The following ANKRD30A variants were observed in gnomAD, a reference collection of about 807,000 sequenced individuals.
ANKRD30A encodes the protein ankyrin repeat domain 30A.
A neutral mutation model predicts 166.3 loss-of-function variants in ANKRD30A; 170 were observed. That is an observed-to-expected ratio of 1.02 (90% CI 0.90 to 1.16). The LOEUF is 1.16. Among genes scored for constraint, ANKRD30A ranks in the 50% most tolerant of loss-of-function variants. The pLI is 0.00. For synonymous variants in ANKRD30A, 564 were observed against 508.9 expected, an observed-to-expected ratio of 1.11 and a Z score of -1.46; for missense variants, 1,630 against 1,518.0, an observed-to-expected ratio of 1.07 and a Z score of -1.23.
At chr10:37,260,107 T>C in the ANKRD30A span, among the ~76,000 whole-genome samples, 1 of 148,732 alleles carries the variant, frequency 6.7e-6, no homozygotes, top group Non-Finnish European at 1.5e-5. Flanking sequence ...CTTTTGTGTA[T>C]GTTTGAAATT....
intron 11 of ANKRD30A, among the ~76,000 whole-genome samples, chr10:37,151,725 T>G: frequency 6.6e-6 from 1 of 152,050 alleles, no homozygotes; most frequent in East Asian, 1.9e-4. Context: ...AGAGAGATGA[T>G]AGGTAATTAA....
chr10:37,167,115 T>C (rs1564519304), intron 19 of ANKRD30A, among the ~76,000 whole-genome samples: 2 of 151,828 alleles, frequency 1.3e-5, no homozygotes, highest in Non-Finnish European at 2.9e-5. Context: ...TAGATGATTT[T>C]GGATTTTCTA....
Position 37,198,381 on chromosome 10 carries a change from C to T in ANKRD30A, c.2716+901C>T, listed in dbSNP as rs556350467. Among the ~76,000 whole-genome samples the T allele has an allele frequency of 1.4e-4, 22 of 152,042 alleles. No homozygotes were observed. The South Asian group carries it at 3.9e-3, about 27-fold the overall frequency. On this transcript the variant is annotated intron_variant, in intron 29 of 35. Transcript: ENST00000361713. ...TAATATTAGGTTATTTATAAAATTC[C>T]ATTTTATGACAGTACCATAGTTAAC...
intron 32 of ANKRD30A, 127 bp from the exon 33 acceptor site, chr10:37,217,568 G>C: frequency 1.4e-6 from 1 of 700,418 alleles, no homozygotes; most frequent in Non-Finnish European, 2.1e-6. Flanking sequence ...CTGAGAACTA[G>C]GAAGAAAAAA....
chr10:37,243,830 A>AT, the ANKRD30A span, among the ~76,000 whole-genome samples: 1 of 151,916 alleles, frequency 6.6e-6, no homozygotes, highest in Non-Finnish European at 1.5e-5. Flanking sequence ...ATAAGTAGAT[A>AT]TTTTTTCTCA....
chr10:37,195,615 C>T (rs1243557161), intron 27 of ANKRD30A, among the ~76,000 whole-genome samples: 4 of 152,140 alleles, frequency 2.6e-5, no homozygotes, highest in Admixed American at 2.6e-4. Context: ...AAAATGGTGA[C>T]CGGGTGCGGT....
intron 32 of ANKRD30A, among the ~76,000 whole-genome samples, chr10:37,216,661 G>A (rs1160272000): frequency 1.3e-5 from 2 of 151,166 alleles, no homozygotes; most frequent in Admixed American, 6.6e-5. Context: ...AACAAATTAA[G>A]TTTTTTGATT....
At chr10:37,203,088 T>C (rs1248618817) in intron 31 of ANKRD30A, among the ~76,000 whole-genome samples, 1 of 152,096 alleles carries the variant, frequency 6.6e-6, no homozygotes, top group Admixed American at 6.6e-5. Flanking sequence ...CCTTCTGAAA[T>C]GATTCCAATC....
chr10:37,178,993 TTTA>T (rs1264842627), intron 24 of ANKRD30A, among the ~76,000 whole-genome samples: 2 of 148,586 alleles, frequency 1.3e-5, no homozygotes, highest in African/African-American at 4.9e-5. Context: ...ATTAATTTTC[TTTA>T]TTACTATGAG....
intron 24 of ANKRD30A, among the ~76,000 whole-genome samples, chr10:37,183,836 G>T (rs1469769936): frequency 5.3e-4 from 78 of 148,290 alleles, no homozygotes; most frequent in Non-Finnish European, 7.4e-4. Flanking sequence ...ATAAACAAAA[G>T]ATAGTTACAC....
chr10:37,183,517 G>A (rs1411386447), intron 24 of ANKRD30A, among the ~76,000 whole-genome samples: 1 of 146,742 alleles, frequency 6.8e-6, no homozygotes, highest in Non-Finnish European at 1.5e-5. Context: ...TTTTTAAAAA[G>A]ATATAAATCA....
the ANKRD30A span, among the ~76,000 whole-genome samples, chr10:37,262,213 T>C: frequency 6.6e-6 from 1 of 152,212 alleles, no homozygotes; most frequent in Non-Finnish European, 1.5e-5. Flanking sequence ...AGAAAGATGG[T>C]GTCTCCCAAA....
chr10:37,179,035 TATATATATATATATATATATATA>T (rs1839971726), intron 24 of ANKRD30A, among the ~76,000 whole-genome samples: 1 of 57,296 alleles, frequency 1.7e-5, no homozygotes, highest in Non-Finnish European at 5.1e-5. Flanking sequence ...TATATATATA[TATATATATATATATATATATATA>T]TATATAGATG....
chr10:37,257,688 T>G, the ANKRD30A span, among the ~76,000 whole-genome samples: 1 of 152,210 alleles, frequency 6.6e-6, no homozygotes, highest in African/African-American at 2.4e-5. Flanking sequence ...GCTTGTTCAA[T>G]TTCCATGTAA....
chr10:37,223,330 A>C (rs1842979683), intron 34 of ANKRD30A, among the ~76,000 whole-genome samples: 1 of 151,270 alleles, frequency 6.6e-6, no homozygotes, highest in African/African-American at 2.4e-5. Flanking sequence ...AAAGAAAAAA[A>C]AACTATAAAA....
chr10:37,172,731 G>A, intron 21 of ANKRD30A, among the ~76,000 whole-genome samples: 1 of 142,946 alleles, frequency 7.0e-6, no homozygotes, highest in Middle Eastern at 3.3e-3. Context: ...CCAGAATTGG[G>A]GGAACCACAG....
intron 15 of ANKRD30A, among the ~76,000 whole-genome samples, chr10:37,158,958 G>T (rs2132582999): frequency 6.6e-6 from 1 of 152,280 alleles, no homozygotes; most frequent in South Asian, 2.1e-4. Context: ...TTCACTTGCT[G>T]ACATGACAGT....
At chr10:37,249,427 A>C in the ANKRD30A span, among the ~76,000 whole-genome samples, 1 of 151,992 alleles carries the variant, frequency 6.6e-6, no homozygotes, top group Admixed American at 6.6e-5. Flanking sequence ...AGAGCTAAGA[A>C]TGCCTGGAAA....
chr10:37,258,952 G>A, the ANKRD30A span, among the ~76,000 whole-genome samples: 2 of 106,756 alleles, frequency 1.9e-5, no homozygotes, highest in African/African-American at 3.8e-5. Flanking sequence ...GACAAAGTGA[G>A]ACTCCATCTC....
Sources: gnomAD v4.1 joint callset for allele counts (sites outside exome capture counted in the v4.1 genomes callset) on GRCh38, gnomAD v4.1.1 for gene constraint, MANE v1.5 for transcripts, NCBI Gene and HGNC (gene_info 2026-07-23, HGNC 2026-07-21) for gene names.